Variants in UNC13C observed in about 807,000 individuals in gnomAD.
UNC13C encodes the protein protein unc-13 homolog C.
In UNC13C, 174 loss-of-function variants were observed where a neutral mutation model predicts 245.4. That is an observed-to-expected ratio of 0.71 (90% CI 0.63 to 0.80). UNC13C has a LOEUF of 0.80. Among genes scored for constraint, UNC13C ranks in the 30% least tolerant of loss-of-function variants. UNC13C has a pLI of 0.00. For synonymous variants in UNC13C, 992 were observed against 895.1 expected, an observed-to-expected ratio of 1.11 and a Z score of -1.93; for missense variants, 2,829 against 2,602.9, an observed-to-expected ratio of 1.09 and a Z score of -1.89.
intron 2 of UNC13C, among the ~76,000 whole-genome samples, chr15:54,096,056 G>A (rs1439219638): frequency 6.6e-6 from 1 of 152,108 alleles, no homozygotes; most frequent in Non-Finnish European, 1.5e-5. Flanking sequence ...GCAACAATGG[G>A]GGCAATACCA....
intron 9 of UNC13C, 53 bp downstream of exon 9, chr15:54,264,448 C>T: frequency 7.5e-7 from 1 of 1,335,008 alleles, no homozygotes; most frequent in Non-Finnish European, 1.0e-6. Context: ...TTTTTATGTG[C>T]CCTAGAAATA....
chr15:54,575,495 A>G (rs1029525231), intron 30 of UNC13C, among the ~76,000 whole-genome samples: 23 of 152,114 alleles, frequency 1.5e-4, no homozygotes, highest in African/African-American at 5.6e-4. Flanking sequence ...CTGTGGAAAG[A>G]GTGAACCATT....
At chr15:54,381,512 T>C (rs904233690) in intron 17 of UNC13C, among the ~76,000 whole-genome samples, 1 of 152,156 alleles carries the variant, frequency 6.6e-6, no homozygotes, top group Non-Finnish European at 1.5e-5. Flanking sequence ...ATTTTGATAG[T>C]GATTGCATTG....
intron 17 of UNC13C, among the ~76,000 whole-genome samples, chr15:54,362,420 G>A (rs76779947): frequency 2.6e-5 from 4 of 152,154 alleles, no homozygotes; most frequent in African/African-American, 4.8e-5. Flanking sequence ...GCCTTCTCTC[G>A]ATACTGTAGG....
the UNC13C span, among the ~76,000 whole-genome samples, chr15:53,879,126 A>T: frequency 1.3e-5 from 2 of 152,128 alleles, no homozygotes; most frequent in South Asian, 4.1e-4. Context: ...GTCCTCCAAG[A>T]TTTTTAAATG....
At chr15:54,629,749 C>CAGTT (rs3083238), downstream of UNC13C, 71,120 of 151,544 alleles carry the variant, frequency 0.47, 18,227 homozygotes, top group East Asian at 0.65. Context: ...GAGTAAAAGG[C>CAGTT]AGTTAGGATT....
chr15:53,963,308 T>C, the UNC13C span, among the ~76,000 whole-genome samples: 49,965 of 152,124 alleles, frequency 0.33, 9,855 homozygotes, highest in Middle Eastern at 0.48. Context: ...ACTGAGACTT[T>C]TGTTATAAAA....
At chr15:54,287,768 G>T (rs1306520743) in intron 10 of UNC13C, among the ~76,000 whole-genome samples, 4 of 152,036 alleles carry the variant, frequency 2.6e-5, no homozygotes, top group Non-Finnish European at 1.5e-5. Flanking sequence ...AGGGAAGGAG[G>T]GGAGTGGTTT....
chr15:54,605,797 C>A (rs575559579), intron 30 of UNC13C, among the ~76,000 whole-genome samples: 2 of 152,208 alleles, frequency 1.3e-5, no homozygotes, highest in Non-Finnish European at 2.9e-5. Context: ...CGCTTAAATG[C>A]TTTGCGAGCA....
chr15:54,151,908 T>C (rs2032535925), intron 4 of UNC13C, among the ~76,000 whole-genome samples: 1 of 152,282 alleles, frequency 6.6e-6, no homozygotes, highest in Admixed American at 6.5e-5. Context: ...TGACTGCCGA[T>C]AAAAACACAC....
intron 2 of UNC13C, among the ~76,000 whole-genome samples, chr15:54,024,729 T>TA (rs1896035412): frequency 6.6e-6 from 1 of 151,872 alleles, no homozygotes; most frequent in African/African-American, 2.4e-5. Flanking sequence ...CCATCCTGGC[T>TA]ACACGGTGAA....
chr15:54,150,730 A>T (rs1178357455), intron 4 of UNC13C, among the ~76,000 whole-genome samples: 1 of 152,184 alleles, frequency 6.6e-6, no homozygotes, highest in Non-Finnish European at 1.5e-5. Context: ...CATCAGGGTG[A>T]CTACTTCAAT....
intron 19 of UNC13C, among the ~76,000 whole-genome samples, chr15:54,489,613 A>G (rs941744515): frequency 6.6e-6 from 1 of 152,210 alleles, no homozygotes; most frequent in African/African-American, 2.4e-5. Context: ...GTTGTGATGT[A>G]GCAGAGCCCC....
chr15:54,426,807 A>G (rs2040769059), intron 19 of UNC13C, among the ~76,000 whole-genome samples: 1 of 151,742 alleles, frequency 6.6e-6, no homozygotes, highest in Non-Finnish European at 1.5e-5. Context: ...CTGTACATCA[A>G]TTTATTCTTC....
chr15:54,064,625 C>T (rs1256462099), intron 2 of UNC13C, among the ~76,000 whole-genome samples: 2 of 152,206 alleles, frequency 1.3e-5, no homozygotes, highest in South Asian at 4.1e-4. Flanking sequence ...TATTTACTCA[C>T]ATCAGTCACT....
chr15:54,254,828 T>C (rs969792070), intron 8 of UNC13C, among the ~76,000 whole-genome samples: 6 of 152,204 alleles, frequency 3.9e-5, no homozygotes, highest in Admixed American at 1.3e-4. Context: ...TGTCTCACTT[T>C]TTATTATGGG....
chr15:54,532,941 T>C lies in UNC13C; in HGVS notation c.5571T>C (p.Cys1857=), dbSNP rs1020389294. ...GESFQVIIEE[C]IKQMSFELNQ... ...GTTTCCAGGTTATAATTGAAGAGTG[T>C]ATAAAACAGATGAGTTTCGAACTAA... Residue 1857 remains cysteine (C), a synonymous_variant, in exon 26 of 33, where the codon TGT becomes TGC. Transcript: ENST00000260323. 1.3e-6 allele frequency: 2 copies of C among 1,572,684 alleles called. No homozygotes were observed. The highest frequency in any genetic ancestry group is 1.8e-5 in the Admixed American group (1 of 56,562).
At chr15:54,435,758 T>A (rs201414488) in intron 19 of UNC13C, among the ~76,000 whole-genome samples, 3 of 150,194 alleles carry the variant, frequency 2.0e-5, no homozygotes, top group African/African-American at 2.4e-5. Context: ...TAAATAAAAA[T>A]AAAAAAAGAA....
chr15:54,498,171 T>C (rs950565584), intron 20 of UNC13C, among the ~76,000 whole-genome samples: 11 of 152,104 alleles, frequency 7.2e-5, no homozygotes, highest in African/African-American at 2.7e-4. Context: ...CCATAATTTT[T>C]CATTGACAAT....
Sources: gnomAD v4.1 joint callset for allele counts (sites outside exome capture counted in the v4.1 genomes callset) on GRCh38, gnomAD v4.1.1 for gene constraint, MANE v1.5 for transcripts, NCBI Gene and HGNC (gene_info 2026-07-23, HGNC 2026-07-21) for gene names.